RNF125: variants seen among roughly 807,000 people sequenced by gnomAD.
The protein encoded by RNF125 is ring finger protein 125.
RNF125 carries 21 observed loss-of-function variants against 26.0 expected under a neutral mutation model. The observed-to-expected ratio is 0.81, with a 90% CI of 0.57 to 1.16. The LOEUF (loss-of-function observed/expected upper bound fraction) is 1.16, where lower values mean the gene tolerates loss of function less well. RNF125 is among the 50% of genes most tolerant of loss of function. The pLI, the probability that RNF125 is intolerant of heterozygous loss-of-function variation, is 0.00. For missense variants in RNF125, 270 were observed against 299.4 expected (o/e 0.90, Z 0.72); for synonymous variants, 95 against 109.2 (o/e 0.87, Z 0.81).
chr18:32,077,613 G>A (rs1455377100), downstream of RNF125, among the ~76,000 whole-genome samples: 3 of 151,350 alleles, frequency 2.0e-5, no homozygotes, highest in Non-Finnish European at 4.4e-5. Flanking sequence ...CGCCCACCTC[G>A]GCCTCCCAAA....
chr18:32,045,722 G>A lies in RNF125; in HGVS notation c.494G>A (p.Arg165Gln), dbSNP rs61749945. ...DHCITHHRSE[R>Q]RPVFCPLCRL... ...TGTATTACTCATCACAGATCGGAAC[G>A]GAGGCCTGTGGTAAGGATTTTTGTT... Residue 165 changes from arginine to glutamine, a missense_variant, in exon 4 of 6, where the codon CGG (arginine) becomes CAG (glutamine). Arg to Gln is a conservative substitution (Grantham distance 43). Coordinates refer to ENST00000217740, the MANE Select transcript of RNF125 (RefSeq NM_017831.4). 186,104 of 1,608,690 alleles carry A rather than the reference G, an allele frequency of 0.12. 11,661 individuals are homozygous for A. Among genetic ancestry groups the A allele is most frequent in the Non-Finnish European group, 0.13 (152,250 of 1,176,354 alleles).
intron 1 of RNF125, among the ~76,000 whole-genome samples, chr18:32,033,791 C>G (rs2039123727): frequency 6.6e-6 from 1 of 151,868 alleles, no homozygotes; most frequent in East Asian, 1.9e-4. Context: ...TGCACTCCAG[C>G]CTGGGCAACA....
chr18:32,044,000 TTTTC>T, intron 3 of RNF125, among the ~76,000 whole-genome samples: 5 of 151,336 alleles, frequency 3.3e-5, no homozygotes, highest in African/African-American at 1.2e-4. Context: ...GGGTTTTTTT[TTTTC>T]TTTTCTTTTC....
At chr18:32,023,085 A>G (rs1023440812) in intron 1 of RNF125, among the ~76,000 whole-genome samples, 20 of 152,048 alleles carry the variant, frequency 1.3e-4, no homozygotes, top group East Asian at 1.2e-3. Context: ...TGGGCTCAGC[A>G]ATCCTCCTGC....
intron 5 of RNF125, among the ~76,000 whole-genome samples, chr18:32,066,643 G>T (rs1214251038): frequency 6.6e-6 from 1 of 152,162 alleles, no homozygotes; most frequent in Non-Finnish European, 1.5e-5. Flanking sequence ...CTTGCAGAAG[G>T]TATTTAACCT....
At chr18:32,084,318 G>A in the RNF125 span, among the ~76,000 whole-genome samples, 1 of 152,176 alleles carries the variant, frequency 6.6e-6, no homozygotes, top group South Asian at 2.1e-4. Context: ...TAGTGCCACT[G>A]CATTCCCGCC....
intron 1 of RNF125, among the ~76,000 whole-genome samples, chr18:32,029,644 A>G (rs2039073079): frequency 6.6e-6 from 1 of 151,998 alleles, no homozygotes; most frequent in African/African-American, 2.4e-5. Context: ...ATTTACATTC[A>G]AAGGAAATAC....
In RNF125 at chr18:32,071,467, G is replaced by GTTTCTCATATCTGACTC. The variant is rs2039533677; in HGVS notation, c.*3087_*3103dup. 1 of 152,100 alleles carries GTTTCTCATATCTGACTC rather than the reference G, an allele frequency of 6.6e-6. No individual in the cohort carries two copies. Among genetic ancestry groups the GTTTCTCATATCTGACTC allele is most frequent in the African/African-American group, 2.4e-5 (1 of 41,412 alleles). 9.4% of individuals were successfully genotyped at this position (152,100 alleles called of 1,614,324 possible). On this transcript the variant is annotated 3_prime_UTR_variant, in exon 6 of 6. Coordinates refer to ENST00000217740, the MANE Select transcript of RNF125 (RefSeq NM_017831.4). ...CAGTTTTTATTTGATGGCTCTGACT[G>GTTTCTCATATCTGACTC]TTTCTCATATCTGACTCTTTAATTA...
intron 4 of RNF125, among the ~76,000 whole-genome samples, chr18:32,056,648 A>G (rs1368292266): frequency 6.6e-6 from 1 of 150,824 alleles, no homozygotes. Context: ...AAAGACAATT[A>G]TAGAAAAAAA....
intron 2 of RNF125, among the ~76,000 whole-genome samples, chr18:32,041,594 T>A (rs1451724912): frequency 6.8e-6 from 1 of 146,904 alleles, no homozygotes; most frequent in African/African-American, 2.5e-5. Context: ...TCACCACACA[T>A]CTATCTACTT....
chr18:32,025,664 CAAAAAA>C (rs34054474), intron 1 of RNF125, among the ~76,000 whole-genome samples: 1 of 65,174 alleles, frequency 1.5e-5, no homozygotes, highest in African/African-American at 4.2e-5. Flanking sequence ...AACTCTGTCT[CAAAAAA>C]AAAAAAAAAA....
intron 1 of RNF125, among the ~76,000 whole-genome samples, chr18:32,029,705 T>C (rs2144443842): frequency 6.6e-6 from 1 of 152,196 alleles, no homozygotes; most frequent in East Asian, 1.9e-4. Context: ...GGGAGAAAGA[T>C]ATCAAAGCCA....
At chr18:32,065,592 G>C (rs1285990110) in intron 4 of RNF125, among the ~76,000 whole-genome samples, 5 of 152,122 alleles carry the variant, frequency 3.3e-5, no homozygotes, top group African/African-American at 1.2e-4. Flanking sequence ...GGAGGGCAGT[G>C]GTGTGATCTT....
chr18:32,064,857 A>C (rs539047221), intron 4 of RNF125, among the ~76,000 whole-genome samples: 2 of 152,260 alleles, frequency 1.3e-5, no homozygotes, highest in South Asian at 2.1e-4. Flanking sequence ...GGTAATTGCC[A>C]TTTCTGGTCA....
At chr18:32,059,973 C>G (rs1431166636) in intron 4 of RNF125, among the ~76,000 whole-genome samples, 4 of 152,126 alleles carry the variant, frequency 2.6e-5, no homozygotes, top group Non-Finnish European at 5.9e-5. Flanking sequence ...CAGCCTTGGT[C>G]AGGAGATCTT....
At chr18:32,027,053 TACAA>T (rs1239967389) in intron 1 of RNF125, among the ~76,000 whole-genome samples, 3 of 152,194 alleles carry the variant, frequency 2.0e-5, no homozygotes, top group African/African-American at 7.2e-5. Context: ...TAAGAAGTCA[TACAA>T]ATATAAATTC....
intron 5 of RNF125, among the ~76,000 whole-genome samples, chr18:32,066,565 C>T (rs1321885638): frequency 2.0e-5 from 3 of 151,960 alleles, no homozygotes; most frequent in Admixed American, 1.3e-4. Context: ...TATTATTATC[C>T]AGGTTGGATA....
At chr18:32,043,051 A>G (rs1427892278) in intron 3 of RNF125, among the ~76,000 whole-genome samples, 3 of 151,914 alleles carry the variant, frequency 2.0e-5, no homozygotes, top group African/African-American at 7.3e-5. Context: ...CTGGAGGCTG[A>G]GGCACGAGAA....
At chr18:32,038,923 G>A (rs1473048087) in intron 2 of RNF125, among the ~76,000 whole-genome samples, 1 of 151,622 alleles carries the variant, frequency 6.6e-6, no homozygotes, top group African/African-American at 2.4e-5. Flanking sequence ...CCAACACCAC[G>A]CCTGTCTAAC....
Sources: allele counts gnomAD v4.1 joint callset (sites outside exome capture counted in the v4.1 genomes callset), GRCh38; gene constraint gnomAD v4.1.1; transcripts MANE v1.5; gene names NCBI Gene and HGNC (gene_info 2026-07-23, HGNC 2026-07-21).